The following PFKFB3 variants were observed in gnomAD, a reference collection of about 807,000 sequenced individuals.
PFKFB3 encodes the protein 6-phosphofructo-2-kinase/fructose-2,6-biphosphatase 3, also known as 6-phosphofructo-2-kinase/fructose-2,6-bisphosphatase 3.
PFKFB3 carries 33 observed loss-of-function variants against 68.0 expected under a neutral mutation model. The observed-to-expected ratio is 0.49, with a 90% CI of 0.37 to 0.65. The LOEUF is 0.65. Among genes scored for constraint, PFKFB3 ranks in the 30% least tolerant of loss-of-function variants. The probability of loss-of-function intolerance (pLI) is 0.00; values close to 1 mark genes in which losing one functional copy is unlikely to be tolerated. For missense variants in PFKFB3, 586 were observed against 712.2 expected (o/e 0.82, Z 2.02); for synonymous variants, 315 against 288.2 (o/e 1.09, Z -0.94).
At chr10:6,186,501 C>T (rs143155774) in intron 1 of PFKFB3, among the ~76,000 whole-genome samples, 1 of 152,202 alleles carries the variant, frequency 6.6e-6, no homozygotes, top group Admixed American at 6.5e-5. Context: ...TTCACCTTCA[C>T]CTTTCTTTTA....
intron 1 of PFKFB3, among the ~76,000 whole-genome samples, chr10:6,166,901 C>T (rs1475228935): frequency 6.7e-6 from 1 of 149,918 alleles, no homozygotes; most frequent in Admixed American, 6.7e-5. Context: ...GCGATCTCAG[C>T]TCACCGAAAC....
chr10:6,165,978 C>CTTTTT (rs35266127), intron 1 of PFKFB3, among the ~76,000 whole-genome samples: 10 of 124,868 alleles, frequency 8.0e-5, no homozygotes, highest in East Asian at 2.4e-4. Context: ...CCAGGCTCAA[C>CTTTTT]TTTTTTTTTT....
upstream of PFKFB3, among the ~76,000 whole-genome samples, chr10:6,202,035 A>G (rs1285050006): frequency 2.0e-5 from 3 of 152,226 alleles, no homozygotes; most frequent in Non-Finnish European, 2.9e-5. Flanking sequence ...GCCGCCCCCA[A>G]TAGTTTTCCC....
chr10:6,156,739 G>A (rs1841815589), intron 1 of PFKFB3, among the ~76,000 whole-genome samples: 1 of 151,984 alleles, frequency 6.6e-6, no homozygotes, highest in Non-Finnish European at 1.5e-5. Flanking sequence ...GCCCACCTTG[G>A]CCTCCCAAAG....
At position 6,226,444 on chromosome 10, in the gene PFKFB3, T is replaced by A. The variant is rs148096503; in HGVS notation, c.1515+79T>A. On this transcript the variant is annotated intron_variant, in intron 14 of 14. Transcript: ENST00000379775. ...CCACAGATCTGGGATTGCGTGCGTG[T>A]GTGTTTGCAAGAATACGTGCGTGGG... 1.8e-3 allele frequency: 2,508 copies of A among 1,428,758 alleles called. 38 individuals carry two copies. In the African/African-American group the frequency reaches 0.032, roughly 18 times the overall value. The allele number at this position is 1,428,758 out of a possible 1,614,324, so 88.5% of individuals were successfully genotyped here. A position where few individuals can be genotyped will look rare whatever the true frequency, so the allele number is the denominator to read the frequency against.
the PFKFB3 span, among the ~76,000 whole-genome samples, chr10:6,325,876 G>A: frequency 2.0e-5 from 3 of 152,288 alleles, no homozygotes; most frequent in Middle Eastern, 3.4e-3. Context: ...GATGGAAATA[G>A]CAATGTGTCT....
At position 6,228,741 on chromosome 10, in the gene PFKFB3, C is replaced by T. The variant is rs942836263; in HGVS notation, c.1515+2376C>T. On this transcript the variant is annotated intron_variant, in intron 14 of 14. Transcript: ENST00000379775. This position sits in a 1 kb window ranked among gnomAD's most constrained non-coding sequence, Gnocchi z 4.5. ...TGAGCCTCTCCCTCCCCATGAGGAC[C>T]CCCCACACCCCAAAAGAGCTCCGAG... Among the ~76,000 whole-genome samples the T allele has an allele frequency of 6.6e-6, 1 of 152,150 alleles. No individual in the cohort carries two copies. The highest frequency in any genetic ancestry group is 2.4e-5 in the African/African-American group (1 of 41,440).
the PFKFB3 span, among the ~76,000 whole-genome samples, chr10:6,288,135 C>CT: frequency 4.0e-5 from 6 of 150,816 alleles, no homozygotes; most frequent in Non-Finnish European, 5.9e-5. Context: ...GCCCATTATA[C>CT]TTTTTAATCC....
chr10:6,289,579 C>G, the PFKFB3 span, among the ~76,000 whole-genome samples: 1 of 151,172 alleles, frequency 6.6e-6, no homozygotes, highest in South Asian at 2.1e-4. Context: ...TGTTTTGGTA[C>G]CAGTACCATG....
At position 6,224,869 on chromosome 10, in the gene PFKFB3, G is replaced by A. The variant is rs181913015; in HGVS notation, c.1341+656G>A. On this transcript the variant is annotated intron_variant, in intron 13 of 14. Transcript: ENST00000379775. ...AAAACCAGTGCTTTCAGTTTCCAGAGTTACTGTTTCAAACAGGATCAGCAG... is the reference window on the plus strand; with the variant it reads ...AAAACCAGTGCTTTCAGTTTCCAGAATTACTGTTTCAAACAGGATCAGCAG... Among the ~76,000 whole-genome samples, 492 of 152,168 alleles carry A rather than the reference G, an allele frequency of 3.2e-3. 1 individual carries two copies. The highest frequency in any genetic ancestry group is 6.0e-3 in the Non-Finnish European group (406 of 68,010).
At chr10:6,192,993 C>T (rs1044885026) in intron 1 of PFKFB3, among the ~76,000 whole-genome samples, 5 of 152,042 alleles carry the variant, frequency 3.3e-5, no homozygotes, top group African/African-American at 1.2e-4. Flanking sequence ...ACCTCAGAGC[C>T]CTGCAGGATT....
intron 14 of PFKFB3, among the ~76,000 whole-genome samples, chr10:6,253,119 C>T (rs1411349971): frequency 2.0e-5 from 3 of 152,130 alleles, no homozygotes; most frequent in Non-Finnish European, 2.9e-5. Context: ...GGGGTTTCAC[C>T]ATCTTGGCCA....
chr10:6,291,914 T>C, the PFKFB3 span, among the ~76,000 whole-genome samples: 8 of 151,728 alleles, frequency 5.3e-5, no homozygotes, highest in East Asian at 7.7e-4. Flanking sequence ...CTACATACAC[T>C]GTTTAATGCT....
the PFKFB3 span, among the ~76,000 whole-genome samples, chr10:6,260,174 G>A: frequency 6.6e-6 from 1 of 152,144 alleles, no homozygotes; most frequent in Non-Finnish European, 1.5e-5. Flanking sequence ...AGCACTTTGG[G>A]AGGCTGAGGC....
At chr10:6,183,615 ATATAT>A (rs371968735) in intron 1 of PFKFB3, among the ~76,000 whole-genome samples, 17,965 of 86,514 alleles carry the variant, frequency 0.21, 1,614 homozygotes, top group African/African-American at 0.35. Context: ...AAAAAAAAAA[ATATAT>A]ATATATATAT....
chr10:6,234,910 T>C lies in PFKFB3; in HGVS notation c.*1968T>C, dbSNP rs545815893. Reference sequence around the variant, plus strand: ...ACTTTTAGTTTGCGAAGGGCCTAGATAGGGAGAGAGGTAACATGAATCTGG... The same window carrying C: ...ACTTTTAGTTTGCGAAGGGCCTAGACAGGGAGAGAGGTAACATGAATCTGG... On this transcript the variant is annotated 3_prime_UTR_variant, in exon 15 of 15. Transcript: ENST00000379775. The C allele has an allele frequency of 1.3e-5, 2 of 150,940 alleles. No individual in the cohort carries two copies. The highest frequency in any genetic ancestry group is 2.4e-5 in the African/African-American group (1 of 40,952). The allele number at this position is 150,940 out of a possible 1,614,324, so 9.4% of individuals were successfully genotyped here.
Position 6,228,861 on chromosome 10 carries a change from G to A in PFKFB3, c.1515+2496G>A, listed in dbSNP as rs1182440027. On this transcript the variant is annotated intron_variant, in intron 14 of 14. Transcript: ENST00000379775. The surrounding 1 kb of genome is among the most constrained non-coding windows in gnomAD (Gnocchi z 4.5). ...GGTGCAGCCTCCATCTCTAACCCAT[G>A]TGGTCACTTCTGCTCCTCCCAGAGC... Among the ~76,000 whole-genome samples the A allele has an allele frequency of 1.3e-5, 2 of 152,176 alleles. No individual in the cohort carries two copies. Among genetic ancestry groups the A allele is most frequent in the Non-Finnish European group, 2.9e-5 (2 of 68,030 alleles).
At chr10:6,163,294 G>A (rs1842018544) in intron 1 of PFKFB3, among the ~76,000 whole-genome samples, 2 of 152,152 alleles carry the variant, frequency 1.3e-5, no homozygotes, top group Admixed American at 1.3e-4. Context: ...ACTCCATCAC[G>A]AATATTTTAT....
At position 6,215,349 on chromosome 10, in the gene PFKFB3, T is replaced by C; in HGVS notation, c.299+32T>C. On this transcript the variant is annotated intron_variant, in intron 3 of 14. Coordinates refer to ENST00000379775, the MANE Select transcript of PFKFB3 (RefSeq NM_004566.4). The surrounding 1 kb of genome is among the most constrained non-coding windows in gnomAD (Gnocchi z 4.3). ...CTGGGCCGCGGGCGTAGGGCTGGGCTGTGGGAATAAGGCTGGGCCGCGGGC... is the reference window on the plus strand; with the variant it reads ...CTGGGCCGCGGGCGTAGGGCTGGGCCGTGGGAATAAGGCTGGGCCGCGGGC... 2 of 1,558,818 alleles carry C rather than the reference T, an allele frequency of 1.3e-6. No homozygotes were observed.
Sources: allele counts gnomAD v4.1 joint callset (sites outside exome capture counted in the v4.1 genomes callset), GRCh38; gene constraint gnomAD v4.1.1; non-coding constraint Gnocchi (gnomAD v3.1); transcripts MANE v1.5; gene names NCBI Gene and HGNC (gene_info 2026-07-23, HGNC 2026-07-21).